UQCC1: variants seen among roughly 807,000 people sequenced by gnomAD.
UQCC1 encodes the protein bFGF-repressed Zic-binding protein.
A neutral mutation model predicts 48.0 loss-of-function variants in UQCC1; 38 were observed. The ratio of observed to expected loss-of-function variants is 0.79; its 90% CI spans 0.61 to 1.04. The LOEUF is 1.04. Ranked by LOEUF, UQCC1 falls within the 50% of genes least tolerant of loss-of-function variation. The probability of loss-of-function intolerance (pLI) is 0.00; values close to 1 mark genes in which losing one functional copy is unlikely to be tolerated. For synonymous variants in UQCC1, 111 were observed against 129.2 expected (o/e 0.86, Z 0.95); for missense variants, 368 against 381.8 (o/e 0.96, Z 0.30).
intron 7 of UQCC1, among the ~76,000 whole-genome samples, chr20:35,333,926 G>A (rs1171093429): frequency 1.3e-5 from 2 of 152,166 alleles, no homozygotes; most frequent in Non-Finnish European, 1.5e-5. Context: ...CAGTGACCAT[G>A]GAAAGAGCTG....
intron 7 of UQCC1, among the ~76,000 whole-genome samples, chr20:35,343,111 A>G (rs2061398137): frequency 6.6e-6 from 1 of 152,228 alleles, no homozygotes; most frequent in Admixed American, 6.5e-5. Flanking sequence ...AGTTTTTGGC[A>G]TGAGAAAAAT....
At chr20:35,410,774 A>AC (rs1432762997) in intron 1 of UQCC1, among the ~76,000 whole-genome samples, 1 of 146,062 alleles carries the variant, frequency 6.8e-6, no homozygotes, top group African/African-American at 2.5e-5. Flanking sequence ...AAAAAAAAAA[A>AC]AAACCACTAA....
At chr20:35,363,876 G>C (rs1232104840) in intron 6 of UQCC1, among the ~76,000 whole-genome samples, 1 of 152,098 alleles carries the variant, frequency 6.6e-6, no homozygotes, top group Non-Finnish European at 1.5e-5. Context: ...GGAGCTTCAG[G>C]CTAAGAGAGC....
intron 2 of UQCC1, among the ~76,000 whole-genome samples, chr20:35,392,836 A>G (rs2062029296): frequency 1.3e-5 from 2 of 151,622 alleles, no homozygotes; most frequent in South Asian, 4.1e-4. Context: ...ATAATTACAT[A>G]TAGCAAACAT....
intron 4 of UQCC1, among the ~76,000 whole-genome samples, chr20:35,378,303 G>C (rs2061826184): frequency 6.6e-6 from 1 of 152,144 alleles, no homozygotes; most frequent in African/African-American, 2.4e-5. Context: ...TAAAATGCTT[G>C]CATTAACAGC....
At chr20:35,323,675 T>A (rs1365159029) in intron 7 of UQCC1, among the ~76,000 whole-genome samples, 2 of 152,204 alleles carry the variant, frequency 1.3e-5, no homozygotes, top group African/African-American at 4.8e-5. Context: ...CAAGATTCTA[T>A]GGCCAAGAGA....
intron 7 of UQCC1, among the ~76,000 whole-genome samples, chr20:35,332,694 T>C (rs1032346737): frequency 2.6e-5 from 4 of 152,230 alleles, no homozygotes; most frequent in Non-Finnish European, 5.9e-5. Context: ...TGGTCAGTCC[T>C]GGGGAATGCC....
intron 5 of UQCC1, among the ~76,000 whole-genome samples, chr20:35,370,353 T>A (rs557021318): frequency 3.1e-4 from 47 of 152,028 alleles, no homozygotes; most frequent in Non-Finnish European, 4.7e-4. Flanking sequence ...AGCCCCTTTC[T>A]CTTATTTCAA....
intron 7 of UQCC1, among the ~76,000 whole-genome samples, chr20:35,334,354 T>C (rs1289961643): frequency 6.6e-6 from 1 of 152,196 alleles, no homozygotes; most frequent in Non-Finnish European, 1.5e-5. Context: ...ATGGAGCTAG[T>C]CTGGATAAAG....
rs182395313 is a variant in UQCC1 at position 35,326,857 on chromosome 20, C to T, written c.574-12092G>A. 3.7e-4 allele frequency among the ~76,000 whole-genome samples: 56 copies of T among 152,312 alleles called. 1 individual carries two copies. The highest frequency in any genetic ancestry group is 1.3e-3 in the African/African-American group (55 of 41,562). ...GATGCTTGTTCCACATCACTACCAACCATGTCAACTGCACAGACACAAAAG... is the reference window on the plus strand; with the variant it reads ...GATGCTTGTTCCACATCACTACCAATCATGTCAACTGCACAGACACAAAAG... On this transcript the variant is annotated intron_variant, in intron 7 of 9. Coordinates refer to ENST00000374385, the MANE Select transcript of UQCC1 (RefSeq NM_018244.5).
intron 7 of UQCC1, among the ~76,000 whole-genome samples, chr20:35,331,325 G>C (rs1184986454): frequency 6.6e-6 from 1 of 151,824 alleles, no homozygotes; most frequent in African/African-American, 2.4e-5. Flanking sequence ...GAGCAGAAAG[G>C]GGTCAAAAGT....
intron 5 of UQCC1, among the ~76,000 whole-genome samples, chr20:35,373,111 A>G (rs1174306971): frequency 6.6e-6 from 1 of 152,192 alleles, no homozygotes; most frequent in Non-Finnish European, 1.5e-5. Context: ...AATTACAAGT[A>G]CCTGCTTTAA....
intron 5 of UQCC1, among the ~76,000 whole-genome samples, chr20:35,367,678 T>G (rs1262813852): frequency 6.6e-6 from 1 of 152,148 alleles, no homozygotes; most frequent in Non-Finnish European, 1.5e-5. Context: ...AATGATCACT[T>G]GAGCCAGGGA....
chr20:35,341,235 AAAAG>A (rs903993886), intron 7 of UQCC1, among the ~76,000 whole-genome samples: 48 of 148,432 alleles, frequency 3.2e-4, no homozygotes, highest in East Asian at 7.8e-4. Flanking sequence ...AAAAAAAAAA[AAAAG>A]AAAGAAAGAA....
intron 2 of UQCC1, among the ~76,000 whole-genome samples, chr20:35,387,116 C>A (rs756784247): frequency 4.6e-5 from 7 of 151,340 alleles, no homozygotes; most frequent in Admixed American, 6.6e-5. Flanking sequence ...ATCTCTACCC[C>A]CCTCCAAAAA....
Position 35,411,965 on chromosome 20 carries a change from T to C in UQCC1, c.-2A>G, listed in dbSNP as rs759674793. On this transcript the variant is annotated 5_prime_UTR_variant, in exon 1 of 10. Transcript: ENST00000374385. ...AAGGACTCGCACCAGCAACGCCATG[T>C]TCCTCAATAACCATTTCCGGGTGAA... The C allele has an allele frequency of 2.5e-6, 4 of 1,614,108 alleles. No homozygotes were observed. In the South Asian group the frequency reaches 4.4e-5, roughly 18 times the overall value.
intron 9 of UQCC1, 63 bp downstream of exon 9, chr20:35,306,603 G>T: frequency 7.7e-7 from 1 of 1,304,354 alleles, no homozygotes; most frequent in Non-Finnish European, 1.1e-6. Context: ...ATGATCCCCT[G>T]AAAGCCCAAG....
chr20:35,397,869 G>A (rs746932816), intron 1 of UQCC1, among the ~76,000 whole-genome samples: 13 of 152,140 alleles, frequency 8.5e-5, no homozygotes, highest in Admixed American at 2.0e-4. Flanking sequence ...ATCTTTACAA[G>A]TAATTTAACC....
At chr20:35,313,808 C>T (rs1363590623) in intron 8 of UQCC1, among the ~76,000 whole-genome samples, 3 of 151,944 alleles carry the variant, frequency 2.0e-5, no homozygotes, top group Admixed American at 6.6e-5. Context: ...GTAGTAGAGA[C>T]GGGGTTTCAG....
Sources: allele counts gnomAD v4.1 joint callset (sites outside exome capture counted in the v4.1 genomes callset), GRCh38; gene constraint gnomAD v4.1.1; transcripts MANE v1.5; gene names NCBI Gene and HGNC (gene_info 2026-07-23, HGNC 2026-07-21).